CNTN5: variants seen among roughly 807,000 people sequenced by gnomAD.
CNTN5 encodes the protein contactin-5.
In CNTN5, 77 loss-of-function variants were observed where a neutral mutation model predicts 129.1. The ratio of observed to expected loss-of-function variants is 0.60; its 90% confidence interval spans 0.50 to 0.72. The LOEUF (loss-of-function observed/expected upper bound fraction) is 0.72, where lower values mean the gene tolerates loss of function less well. Ranked by LOEUF, CNTN5 falls within the 30% of genes least tolerant of loss-of-function variation. The pLI, the probability that CNTN5 is intolerant of heterozygous loss-of-function variation, is 0.00. For synonymous variants in CNTN5, 509 were observed against 465.6 expected (o/e 1.09, Z -1.20); for missense variants, 1,478 against 1,328.8 (o/e 1.11, Z -1.75).
intron 2 of CNTN5, among the ~76,000 whole-genome samples, chr11:99,545,109 C>G (rs949223237): frequency 1.3e-5 from 2 of 152,090 alleles, no homozygotes; most frequent in Non-Finnish European, 2.9e-5. Flanking sequence ...GTTTGTTTGG[C>G]TTATTTTTTA....
At chr11:99,553,805 GAA>G (rs1346816924) in intron 2 of CNTN5, among the ~76,000 whole-genome samples, 2 of 151,738 alleles carry the variant, frequency 1.3e-5, no homozygotes, top group African/African-American at 2.4e-5. Flanking sequence ...CAGAAAGGGA[GAA>G]AAAGAGAGAG....
At chr11:99,248,136 G>A (rs188972469) in intron 1 of CNTN5, among the ~76,000 whole-genome samples, 4 of 151,802 alleles carry the variant, frequency 2.6e-5, no homozygotes, top group Non-Finnish European at 4.4e-5. Flanking sequence ...GTTTCCTGAC[G>A]TTTTAATGAT....
At chr11:99,965,541 CTGT>C (rs1182748078) in intron 8 of CNTN5, among the ~76,000 whole-genome samples, 1 of 152,104 alleles carries the variant, frequency 6.6e-6, no homozygotes, top group Non-Finnish European at 1.5e-5. Context: ...GTTATAATTT[CTGT>C]TCTTTTGCAT....
chr11:99,629,770 AT>A (rs1951272214), intron 3 of CNTN5, among the ~76,000 whole-genome samples: 1 of 151,916 alleles, frequency 6.6e-6, no homozygotes, highest in South Asian at 2.1e-4. Flanking sequence ...TACTCAATTC[AT>A]TTCTTAGCAT....
chr11:100,041,014 G>A (rs1942348846), intron 9 of CNTN5, among the ~76,000 whole-genome samples: 1 of 152,168 alleles, frequency 6.6e-6, no homozygotes, highest in South Asian at 2.1e-4. Flanking sequence ...TCCCCAGTGA[G>A]ATGAACCCGG....
Position 100,097,920 on chromosome 11 carries a change from G to A in CNTN5, c.1580+23626G>A, listed in dbSNP as rs1163697001. On this transcript the variant is annotated intron_variant, in intron 13 of 24. Transcript: ENST00000524871. ...TAGCCGATCAGATGAAATTGTGAGT[G>A]GATATGAAAGGACAAAATTAAACAT... 4.6e-5 allele frequency among the ~76,000 whole-genome samples: 7 copies of A among 152,004 alleles called. No homozygotes were observed. In the South Asian group the frequency reaches 1.5e-3, roughly 32 times the overall value.
chr11:100,253,635 C>A (rs1950014082), intron 16 of CNTN5, among the ~76,000 whole-genome samples: 1 of 152,052 alleles, frequency 6.6e-6, no homozygotes, highest in Non-Finnish European at 1.5e-5. Context: ...ATTGTAGATG[C>A]TCCTCTACAT....
chr11:100,152,362 T>C lies in CNTN5; in HGVS notation c.1581-38764T>C, dbSNP rs1368849528. On this transcript the variant is annotated intron_variant, in intron 13 of 24. Transcript: ENST00000524871. ...TTGCTGGCAGAACCAGACCTGGAAC[T>C]CTGGTCCCCTGACTCCCTGTTCCAA... Among the ~76,000 whole-genome samples the C allele has an allele frequency of 2.0e-5, 3 of 152,272 alleles. No homozygotes were observed. In the East Asian group the frequency reaches 5.8e-4, roughly 29 times the overall value.
chr11:99,574,606 T>A (rs2726380), intron 3 of CNTN5, among the ~76,000 whole-genome samples: 109,842 of 152,138 alleles, frequency 0.72, 41,731 homozygotes, highest in Non-Finnish European at 0.86. Flanking sequence ...CCATTCTGAC[T>A]GGCATTAGAT....
At chr11:99,498,394 G>C (rs1241325436) in intron 2 of CNTN5, among the ~76,000 whole-genome samples, 3 of 152,102 alleles carry the variant, frequency 2.0e-5, no homozygotes, top group Non-Finnish European at 4.4e-5. Context: ...TTATTAGCTT[G>C]ATTCTGAGTT....
intron 1 of CNTN5, among the ~76,000 whole-genome samples, chr11:99,045,324 C>T (rs543535666): frequency 2.6e-5 from 4 of 152,326 alleles, no homozygotes; most frequent in African/African-American, 7.2e-5. Flanking sequence ...TACTTATTGA[C>T]TGCATGCCTG....
intron 2 of CNTN5, among the ~76,000 whole-genome samples, chr11:99,535,306 A>T (rs989939243): frequency 1.3e-5 from 2 of 152,164 alleles, no homozygotes; most frequent in Admixed American, 1.3e-4. Flanking sequence ...TACATGGAAA[A>T]TTTAGGAAGA....
At chr11:99,932,366 T>C (rs1206730304) in intron 7 of CNTN5, among the ~76,000 whole-genome samples, 1 of 152,072 alleles carries the variant, frequency 6.6e-6, no homozygotes, top group Non-Finnish European at 1.5e-5. Flanking sequence ...CTAATTTTTG[T>C]ATTTTTAGTA....
intron 13 of CNTN5, among the ~76,000 whole-genome samples, chr11:100,101,276 G>A (rs1945214279): frequency 6.6e-6 from 1 of 152,062 alleles, no homozygotes; most frequent in African/African-American, 2.4e-5. Flanking sequence ...CAGTGGAAAA[G>A]ACCAGTGACA....
intron 3 of CNTN5, among the ~76,000 whole-genome samples, chr11:99,777,721 CAG>C (rs1424868879): frequency 4.0e-5 from 6 of 151,838 alleles, no homozygotes; most frequent in African/African-American, 7.2e-5. Context: ...TCAGGTGTAA[CAG>C]AGTTGATTTT....
chr11:100,136,043 C>T (rs1946513255), intron 13 of CNTN5, among the ~76,000 whole-genome samples: 1 of 152,074 alleles, frequency 6.6e-6, no homozygotes, highest in African/African-American at 2.4e-5. Flanking sequence ...ATGATACTCT[C>T]AATCTATAAA....
intron 2 of CNTN5, among the ~76,000 whole-genome samples, chr11:99,442,317 G>A (rs575113897): frequency 6.6e-6 from 1 of 152,002 alleles, no homozygotes; most frequent in African/African-American, 2.4e-5. Flanking sequence ...TTACAGGCAT[G>A]TGCCACCATG....
intron 3 of CNTN5, among the ~76,000 whole-genome samples, chr11:99,591,686 C>A (rs964571361): frequency 6.6e-6 from 1 of 152,012 alleles, no homozygotes; most frequent in East Asian, 1.9e-4. Context: ...AGAGAGATAA[C>A]GAGATACTGT....
intron 1 of CNTN5, among the ~76,000 whole-genome samples, chr11:99,158,502 C>G (rs756422339): frequency 1.3e-5 from 2 of 152,040 alleles, no homozygotes; most frequent in Non-Finnish European, 2.9e-5. Flanking sequence ...TATTAATTGG[C>G]ATACATTTTG....
Sources: allele counts gnomAD v4.1 joint callset (sites outside exome capture counted in the v4.1 genomes callset), GRCh38; gene constraint gnomAD v4.1.1; transcripts MANE v1.5; gene names NCBI Gene and HGNC (gene_info 2026-07-23, HGNC 2026-07-21).